TRHDE: variants seen among roughly 807,000 people sequenced by gnomAD.
TRHDE encodes the protein thyrotropin-releasing hormone-degrading ectoenzyme.
Under a neutral mutation model 125.7 loss-of-function variants are expected in TRHDE, and 72 were observed. The observed-to-expected ratio is 0.57, with a 90% CI of 0.47 to 0.70. The LOEUF (loss-of-function observed/expected upper bound fraction) is 0.70, where lower values mean the gene tolerates loss of function less well. Among genes scored for constraint, TRHDE ranks in the 30% least tolerant of loss-of-function variants. The pLI, the probability that TRHDE is intolerant of heterozygous loss-of-function variation, is 0.00. For synonymous variants in TRHDE, 509 were observed against 509.1 expected, an observed-to-expected ratio of 1.00 and a Z score of 0.00; for missense variants, 1,110 against 1,327.1, an observed-to-expected ratio of 0.84 and a Z score of 2.54.
intron 5 of TRHDE, among the ~76,000 whole-genome samples, chr12:72,493,718 C>G (rs1302274501): frequency 2.6e-5 from 4 of 151,916 alleles, no homozygotes; most frequent in Admixed American, 2.6e-4. Flanking sequence ...CTGCCTTTAG[C>G]CACACAAAAC....
chr12:72,311,433 A>T (rs1463521141), intron 2 of TRHDE, among the ~76,000 whole-genome samples: 1 of 152,188 alleles, frequency 6.6e-6, no homozygotes, highest in South Asian at 2.1e-4. Flanking sequence ...TGCAGGCTTC[A>T]TTCATAACTT....
chr12:72,310,669 G>A (rs1868502240), intron 2 of TRHDE, among the ~76,000 whole-genome samples: 1 of 151,850 alleles, frequency 6.6e-6, no homozygotes, highest in Non-Finnish European at 1.5e-5. Context: ...TTTTTAACTT[G>A]TAACTCTGAA....
intron 3 of TRHDE, among the ~76,000 whole-genome samples, chr12:72,432,417 T>C (rs764229712): frequency 1.3e-5 from 2 of 152,264 alleles, no homozygotes; most frequent in Non-Finnish European, 2.9e-5. Flanking sequence ...CAAAGGTCAG[T>C]TCCTGGTCAA....
chr12:72,500,737 G>A (rs1431146648), intron 6 of TRHDE, among the ~76,000 whole-genome samples: 1 of 151,644 alleles, frequency 6.6e-6, no homozygotes, highest in East Asian at 1.9e-4. Flanking sequence ...AAGATATCAT[G>A]AATAACCGCA....
At chr12:72,377,875 A>G (rs1430259717) in intron 2 of TRHDE, 120 bp from the exon 3 acceptor site, 2 of 679,184 alleles carry the variant, frequency 2.9e-6, no homozygotes, top group African/African-American at 3.7e-5. Flanking sequence ...TAGTGTATGA[A>G]CGAGAATCCT....
At chr12:72,327,047 ATAAGATC>A (rs1206278224) in intron 2 of TRHDE, among the ~76,000 whole-genome samples, 1 of 152,142 alleles carries the variant, frequency 6.6e-6, no homozygotes, top group African/African-American at 2.4e-5. Context: ...GGAGGAAGAT[ATAAGATC>A]TATTATCAGG....
At chr12:72,467,501 T>C (rs1876439224) in intron 3 of TRHDE, among the ~76,000 whole-genome samples, 1 of 152,178 alleles carries the variant, frequency 6.6e-6, no homozygotes, top group Non-Finnish European at 1.5e-5. Flanking sequence ...ATTTGACTTA[T>C]TTTAATATAT....
intron 2 of TRHDE, among the ~76,000 whole-genome samples, chr12:72,137,906 A>G (rs183856159): frequency 1.2e-3 from 178 of 152,372 alleles, no homozygotes; most frequent in Non-Finnish European, 1.9e-3. Context: ...CCTTGAAAGA[A>G]GCGTGACATA....
intron 3 of TRHDE, among the ~76,000 whole-genome samples, chr12:72,449,250 G>T (rs1209640700): frequency 6.6e-6 from 1 of 151,954 alleles, no homozygotes; most frequent in Non-Finnish European, 1.5e-5. Flanking sequence ...AAACTCATTG[G>T]CAGTAAAGCA....
At chr12:72,104,612 A>G (rs1335126478) in intron 1 of TRHDE, among the ~76,000 whole-genome samples, 1 of 152,222 alleles carries the variant, frequency 6.6e-6, no homozygotes. Flanking sequence ...GCAACGAGTC[A>G]CTTACTTTTG....
chr12:72,195,847 A>G (rs1877430423), intron 2 of TRHDE, among the ~76,000 whole-genome samples: 1 of 151,940 alleles, frequency 6.6e-6, no homozygotes, highest in African/African-American at 2.4e-5. Context: ...TAGGATTCTT[A>G]TTGTGTGAGG....
chr12:72,618,015 T>G (rs1872891814), intron 12 of TRHDE, among the ~76,000 whole-genome samples: 1 of 152,160 alleles, frequency 6.6e-6, no homozygotes, highest in African/African-American at 2.4e-5. Flanking sequence ...AAATACATAG[T>G]GTCACTATAT....
intron 2 of TRHDE, among the ~76,000 whole-genome samples, chr12:72,142,336 A>T (rs992874248): frequency 6.6e-6 from 1 of 152,110 alleles, no homozygotes; most frequent in African/African-American, 2.4e-5. Context: ...CTTTTTAATA[A>T]ACCTCCACTT....
At chr12:72,552,614 C>A (rs1217478213) in intron 7 of TRHDE, among the ~76,000 whole-genome samples, 2 of 151,954 alleles carry the variant, frequency 1.3e-5, no homozygotes, top group Non-Finnish European at 2.9e-5. Context: ...AAGTGGCCAA[C>A]AATGTTAAAT....
intron 2 of TRHDE, among the ~76,000 whole-genome samples, chr12:72,346,519 C>T (rs927317389): frequency 6.6e-6 from 1 of 151,886 alleles, no homozygotes; most frequent in African/African-American, 2.4e-5. Context: ...AAGTCATCTT[C>T]CACAAGGGGG....
chr12:72,222,799 T>C (rs914874350), intron 2 of TRHDE, among the ~76,000 whole-genome samples: 2 of 152,160 alleles, frequency 1.3e-5, no homozygotes, highest in Middle Eastern at 3.4e-3. Flanking sequence ...ATAGGAGAAA[T>C]TTCCAGGCTT....
intron 2 of TRHDE, among the ~76,000 whole-genome samples, chr12:72,210,166 AGATT>A (rs1447985521): frequency 1.1e-5 from 1 of 93,668 alleles, no homozygotes; most frequent in Non-Finnish European, 2.2e-5. Context: ...AAGTTCTATA[AGATT>A]GATCTATCTA....
chr12:72,613,722 G>T (rs1314404396), intron 12 of TRHDE, among the ~76,000 whole-genome samples: 1 of 152,136 alleles, frequency 6.6e-6, no homozygotes, highest in African/African-American at 2.4e-5. Flanking sequence ...CAGAAAATAG[G>T]TGCCTAAGTC....
intron 2 of TRHDE, among the ~76,000 whole-genome samples, chr12:72,209,756 T>G (rs1877737465): frequency 6.6e-6 from 1 of 152,184 alleles, no homozygotes; most frequent in Non-Finnish European, 1.5e-5. Flanking sequence ...AATAACTACT[T>G]TATACTCTAT....
Sources: allele counts gnomAD v4.1 joint callset (sites outside exome capture counted in the v4.1 genomes callset), GRCh38; gene constraint gnomAD v4.1.1; transcripts MANE v1.5; gene names NCBI Gene and HGNC (gene_info 2026-07-23, HGNC 2026-07-21).